Variants in EDEM2 observed in about 807,000 individuals in gnomAD.
EDEM2 encodes ER degradation enhancing alpha-mannosidase like protein 2, also known as ER degradation-enhancing alpha-mannosidase-like protein 2.
In EDEM2, 39 loss-of-function variants were observed where a neutral mutation model predicts 64.8. The observed-to-expected ratio is 0.60, with a 90% confidence interval of 0.47 to 0.79. The LOEUF (loss-of-function observed/expected upper bound fraction) is 0.79. EDEM2 is among the 30% of genes least tolerant of loss of function. The probability of loss-of-function intolerance (pLI) is 0.00; values close to 1 mark genes in which losing one functional copy is unlikely to be tolerated. For synonymous variants in EDEM2, 296 were observed against 291.5 expected (o/e 1.02, Z -0.16); for missense variants, 609 against 731.3 (o/e 0.83, Z 1.93).
intron 9 of EDEM2, among the ~76,000 whole-genome samples, chr20:35,120,597 T>C (rs397840465): frequency 0.4 from 44,268 of 112,046 alleles, 7,551 homozygotes; most frequent in Admixed American, 0.53. Flanking sequence ...CTTCTTCTTT[T>C]TTTTTTTTTT....
chr20:35,141,529 C>CT (rs2085653675), intron 4 of EDEM2, among the ~76,000 whole-genome samples: 1 of 152,152 alleles, frequency 6.6e-6, no homozygotes, highest in African/African-American at 2.4e-5. Context: ...GCTCTCTTCT[C>CT]TTTTTTAATC....
chr20:35,135,468 T>C (rs1212513132), intron 5 of EDEM2, among the ~76,000 whole-genome samples: 1 of 152,156 alleles, frequency 6.6e-6, no homozygotes, highest in African/African-American at 2.4e-5. Flanking sequence ...CTGGCCAACA[T>C]GGTGAAACCC....
At chr20:35,125,719 A>G (rs776732785) in intron 8 of EDEM2, among the ~76,000 whole-genome samples, 5 of 152,090 alleles carry the variant, frequency 3.3e-5, no homozygotes, top group Non-Finnish European at 7.4e-5. Flanking sequence ...AGGTCTCACT[A>G]TGTTGCCCAG....
chr20:35,132,808 G>C (rs959680072), intron 6 of EDEM2, among the ~76,000 whole-genome samples: 1 of 152,124 alleles, frequency 6.6e-6, no homozygotes, highest in Non-Finnish European at 1.5e-5. Context: ...AAAGTGCTGG[G>C]ATTACAGGCG....
chr20:35,143,077 G>A (rs2085680342), intron 3 of EDEM2, among the ~76,000 whole-genome samples: 1 of 152,120 alleles, frequency 6.6e-6, no homozygotes, highest in Admixed American at 6.6e-5. Context: ...TTTGACATTT[G>A]CAGTAGATAC....
At chr20:35,128,026 T>C (rs537802710) in intron 7 of EDEM2, among the ~76,000 whole-genome samples, 1 of 152,228 alleles carries the variant, frequency 6.6e-6, no homozygotes, top group African/African-American at 2.4e-5. Context: ...TGATATTTAA[T>C]AAACAACCAT....
intron 7 of EDEM2, 149 bp from the exon 8 acceptor site, chr20:35,126,524 T>G (rs2085435371): frequency 1.0e-6 from 1 of 997,830 alleles, no homozygotes; most frequent in Admixed American, 2.6e-5. Flanking sequence ...GATTCTGGAG[T>G]CAAACTTCCA....
At chr20:35,131,575 T>A (rs992827190) in intron 7 of EDEM2, 67 bp downstream of exon 7, 2 of 1,580,456 alleles carry the variant, frequency 1.3e-6, no homozygotes, top group Non-Finnish European at 1.7e-6. Flanking sequence ...CAAAAAAAAG[T>A]TTTTAAACAA....
At chr20:35,138,077 T>C in intron 4 of EDEM2, 72 bp from the exon 5 acceptor site, 1 of 1,574,752 alleles carries the variant, frequency 6.4e-7, no homozygotes, top group Non-Finnish European at 8.6e-7. Context: ...CTTTCCCCTG[T>C]GCGAGTTAAA....
At chr20:35,135,852 C>A (rs1216311702) in intron 5 of EDEM2, among the ~76,000 whole-genome samples, 1 of 152,178 alleles carries the variant, frequency 6.6e-6, no homozygotes, top group Non-Finnish European at 1.5e-5. Flanking sequence ...ACAGGTCACA[C>A]AGAGAGAGTC....
At chr20:35,120,077 T>A (rs1291291680) in intron 9 of EDEM2, among the ~76,000 whole-genome samples, 1 of 152,186 alleles carries the variant, frequency 6.6e-6, no homozygotes, top group Admixed American at 6.5e-5. Context: ...GTTAATTACT[T>A]TTTTGTGACA....
chr20:35,146,332 T>C (rs1319586496), intron 2 of EDEM2, among the ~76,000 whole-genome samples: 3 of 152,042 alleles, frequency 2.0e-5, no homozygotes, highest in African/African-American at 4.8e-5. Context: ...ACCTAACTCG[T>C]AGGGGTATTA....
chr20:35,130,428 A>G (rs182348644), intron 7 of EDEM2, among the ~76,000 whole-genome samples: 1 of 152,340 alleles, frequency 6.6e-6, no homozygotes, highest in Non-Finnish European at 1.5e-5. Context: ...AACTAATAAT[A>G]AAGCAGAACA....
Position 35,118,682 on chromosome 20 carries a change from C to T in EDEM2, c.1152G>A (p.Thr384=), listed in dbSNP as rs377343828. The T allele has an allele frequency of 4.0e-5, 65 of 1,613,254 alleles. No homozygotes were observed. Among genetic ancestry groups the T allele is most frequent in the South Asian group, 5.5e-5 (5 of 91,042 alleles). The part of the protein sequence containing the change: ...IESAMYLYRA[T]GDPTLLELGR... ...CGAGTTCTAGGAGGGTGGGATCCCCCGTGGCACGGTAGAGGTACATTGCGC... is the reference window on the plus strand; with the variant it reads ...CGAGTTCTAGGAGGGTGGGATCCCCTGTGGCACGGTAGAGGTACATTGCGC... Residue 384 remains threonine (T), a synonymous_variant, in exon 10 of 11, where the codon ACG becomes ACA. Coordinates refer to ENST00000374492, the MANE Select transcript of EDEM2 (RefSeq NM_018217.3).
At chr20:35,122,376 CTTAT>C (rs1338870836) in intron 9 of EDEM2, among the ~76,000 whole-genome samples, 1 of 151,904 alleles carries the variant, frequency 6.6e-6, no homozygotes, top group Non-Finnish European at 1.5e-5. Flanking sequence ...TTAAAATTTA[CTTAT>C]TTATTTTTTT....
At position 35,120,736 on chromosome 20, in the gene EDEM2, T is replaced by A. The variant is rs1329526812; in HGVS notation, c.1115-2017A>T. Among the ~76,000 whole-genome samples the A allele has an allele frequency of 2.0e-5, 3 of 152,134 alleles. No individual in the cohort carries two copies. In the East Asian group the frequency reaches 5.8e-4, roughly 29 times the overall value. On this transcript the variant is annotated intron_variant, in intron 9 of 10. Coordinates refer to ENST00000374492, the MANE Select transcript of EDEM2 (RefSeq NM_018217.3). ...TCTCAGCCTCCTGAGTAGCTGGGAC[T>A]ACAGGCACATGCCACCGTGCCCGGC...
intron 3 of EDEM2, among the ~76,000 whole-genome samples, chr20:35,142,761 T>C (rs957866275): frequency 1.3e-5 from 2 of 151,944 alleles, no homozygotes; most frequent in African/African-American, 4.8e-5. Context: ...ATAGAAGTCT[T>C]AGGTTTTTTG....
rs1372864540 is a variant in EDEM2, at chr20:35,137,828, G to C, written c.490+52C>G. ...ACTGCCACTCTCATCTTCAGCAAGG[G>C]AAGCAGGACCTACTGGACTTCGTCT... On this transcript the variant is annotated intron_variant, in intron 5 of 10. Coordinates refer to ENST00000374492, the MANE Select transcript of EDEM2 (RefSeq NM_018217.3). The C allele has an allele frequency of 2.5e-6, 4 of 1,588,126 alleles. No individual in the cohort carries two copies. The East Asian group carries it at 6.7e-5, about 27-fold the overall frequency.
intron 4 of EDEM2, 117 bp from the exon 5 acceptor site, chr20:35,138,122 G>A (rs1284934380): frequency 1.5e-6 from 2 of 1,367,500 alleles, no homozygotes; most frequent in Non-Finnish European, 2.0e-6. Flanking sequence ...ATGTTCTCAG[G>A]ACCTCCTGAA....
Sources: allele counts gnomAD v4.1 joint callset (sites outside exome capture counted in the v4.1 genomes callset), GRCh38; gene constraint gnomAD v4.1.1; transcripts MANE v1.5; gene names NCBI Gene and HGNC (gene_info 2026-07-23, HGNC 2026-07-21).